Variants in ATXN7L1 observed in about 807,000 individuals in gnomAD.
ATXN7L1 encodes ataxin 7 like 1, also known as ataxin-7-like protein 1.
Under a neutral mutation model 70.8 loss-of-function variants are expected in ATXN7L1, and 15 were observed. The observed-to-expected ratio is 0.21, with a 90% confidence interval of 0.14 to 0.33. ATXN7L1 has a LOEUF of 0.33. Among genes scored for constraint, ATXN7L1 ranks in the 10% least tolerant of loss-of-function variants. ATXN7L1 has a pLI of 1.00. For missense variants in ATXN7L1, 975 were observed against 1,097.1 expected, an observed-to-expected ratio of 0.89 and a Z score of 1.57; for synonymous variants, 440 against 445.1, an observed-to-expected ratio of 0.99 and a Z score of 0.14.
intron 2 of ATXN7L1, among the ~76,000 whole-genome samples, chr7:105,873,475 C>A (rs1818579136): frequency 6.6e-6 from 1 of 152,208 alleles, no homozygotes; most frequent in Non-Finnish European, 1.5e-5. Flanking sequence ...TCCAGGTAAC[C>A]AAATAAACAC....
chr7:105,625,663 TA>T, intron 7 of ATXN7L1, among the ~76,000 whole-genome samples: 1 of 152,256 alleles, frequency 6.6e-6, no homozygotes, highest in East Asian at 1.9e-4. Context: ...TATGTGTGTA[TA>T]AAACAACCCA....
chr7:105,662,971 T>C (rs765166200), intron 4 of ATXN7L1, among the ~76,000 whole-genome samples: 30 of 152,362 alleles, frequency 2.0e-4, no homozygotes, highest in Non-Finnish European at 3.1e-4. Context: ...AGAGCTATTA[T>C]TGGCCCCACT....
At chr7:105,735,223 C>G (rs1207376506) in intron 3 of ATXN7L1, among the ~76,000 whole-genome samples, 1 of 152,102 alleles carries the variant, frequency 6.6e-6, no homozygotes, top group Non-Finnish European at 1.5e-5. Flanking sequence ...TGCTGGATAC[C>G]TTTTATACAG....
chr7:105,871,064 T>A (rs1818188728), intron 2 of ATXN7L1, among the ~76,000 whole-genome samples: 1 of 151,212 alleles, frequency 6.6e-6, no homozygotes, highest in African/African-American at 2.4e-5. Context: ...GTTTAAGATA[T>A]TTTTAATGTG....
intron 7 of ATXN7L1, among the ~76,000 whole-genome samples, chr7:105,633,622 A>T (rs960961615): frequency 6.6e-6 from 1 of 152,158 alleles, no homozygotes; most frequent in African/African-American, 2.4e-5. Context: ...CGGGAGGCTG[A>T]GGCAGGAAAA....
chr7:105,875,337 T>C (rs939240632), intron 2 of ATXN7L1: 1 of 159,724 alleles, frequency 6.3e-6, no homozygotes, highest in Non-Finnish European at 1.4e-5. Flanking sequence ...GTGGGCCAAA[T>C]GTAACTTGCT....
At chr7:105,769,031 G>C (rs1164795774) in intron 3 of ATXN7L1, among the ~76,000 whole-genome samples, 1 of 152,212 alleles carries the variant, frequency 6.6e-6, no homozygotes, top group Admixed American at 6.5e-5. Context: ...TCTAGTCCCA[G>C]CTCTGCCCCT....
chr7:105,660,576 CTTTTTTTTTTTT>C (rs34008024), intron 4 of ATXN7L1, among the ~76,000 whole-genome samples: 2 of 78,140 alleles, frequency 2.6e-5, no homozygotes, highest in South Asian at 5.5e-4. Flanking sequence ...CGGAAGTGAC[CTTTTTTTTTTTT>C]TTTTTTTTTT....
intron 2 of ATXN7L1, chr7:105,875,176 C>CT (rs1467653491): frequency 6.5e-6 from 1 of 152,714 alleles, no homozygotes; most frequent in Non-Finnish European, 1.5e-5. Flanking sequence ...TCTTGCATAT[C>CT]TTGGTCTGGG....
At chr7:105,632,036 C>T (rs914374349) in intron 7 of ATXN7L1, among the ~76,000 whole-genome samples, 1 of 152,202 alleles carries the variant, frequency 6.6e-6, no homozygotes, top group African/African-American at 2.4e-5. Context: ...AAACAAAAGG[C>T]TGAGTGGTGA....
At chr7:105,816,089 G>A (rs1809147035) in intron 2 of ATXN7L1, among the ~76,000 whole-genome samples, 1 of 152,148 alleles carries the variant, frequency 6.6e-6, no homozygotes, top group Admixed American at 6.5e-5. Context: ...TAGCTGTACT[G>A]GGAGGATGGG....
At chr7:105,737,528 C>CAT (rs1168833373) in intron 3 of ATXN7L1, among the ~76,000 whole-genome samples, 1 of 148,616 alleles carries the variant, frequency 6.7e-6, no homozygotes, top group African/African-American at 2.5e-5. Context: ...CTAACGTCCC[C>CAT]GTGTGTGTGT....
chr7:105,698,337 T>G (rs1420375261), intron 3 of ATXN7L1, among the ~76,000 whole-genome samples: 4 of 152,290 alleles, frequency 2.6e-5, no homozygotes, highest in African/African-American at 7.2e-5. Context: ...TTTGCATCGA[T>G]GGGGCTACAT....
intron 2 of ATXN7L1, among the ~76,000 whole-genome samples, chr7:105,805,822 G>A (rs1465952279): frequency 1.3e-5 from 2 of 152,192 alleles, no homozygotes; most frequent in Admixed American, 6.5e-5. Flanking sequence ...GGTGCCACAG[G>A]TGGGTGAATA....
At chr7:105,622,347 T>C (rs747358555) in intron 8 of ATXN7L1, among the ~76,000 whole-genome samples, 2 of 152,350 alleles carry the variant, frequency 1.3e-5, no homozygotes, top group Non-Finnish European at 1.5e-5. Flanking sequence ...TCTTTCAGAC[T>C]CAGGAGCTGG....
chr7:105,769,337 T>C (rs750004843), intron 3 of ATXN7L1, among the ~76,000 whole-genome samples: 1 of 152,104 alleles, frequency 6.6e-6, no homozygotes. Flanking sequence ...AGCGTGACCA[T>C]GCCAGTCTAC....
intron 8 of ATXN7L1, among the ~76,000 whole-genome samples, chr7:105,622,404 T>C (rs776233281): frequency 2.0e-4 from 30 of 152,330 alleles, no homozygotes; most frequent in Non-Finnish European, 3.5e-4. Flanking sequence ...TCCGTACAGA[T>C]GCGAGGCTAG....
chr7:105,806,461 C>T (rs1478772982), intron 2 of ATXN7L1, among the ~76,000 whole-genome samples: 3 of 151,998 alleles, frequency 2.0e-5, no homozygotes, highest in South Asian at 2.1e-4. Context: ...TATAGCAGCC[C>T]GAGCAGACTG....
intron 4 of ATXN7L1, among the ~76,000 whole-genome samples, chr7:105,650,166 C>T (rs1799631565): frequency 6.6e-6 from 1 of 152,164 alleles, no homozygotes; most frequent in Non-Finnish European, 1.5e-5. Flanking sequence ...TTCTAGAAGT[C>T]TGAGGGGCAG....
Sources: allele counts gnomAD v4.1 joint callset (sites outside exome capture counted in the v4.1 genomes callset), GRCh38; gene constraint gnomAD v4.1.1; transcripts MANE v1.5; gene names NCBI Gene and HGNC (gene_info 2026-07-23, HGNC 2026-07-21).